Variants in DAB2IP observed in about 807,000 individuals in gnomAD.
The protein encoded by DAB2IP is DAB2 interacting protein.
In DAB2IP, 28 loss-of-function variants were observed where a neutral mutation model predicts 107.2. The ratio of observed to expected loss-of-function variants is 0.26; its 90% CI spans 0.19 to 0.36. The LOEUF (loss-of-function observed/expected upper bound fraction) is 0.36, where lower values mean the gene tolerates loss of function less well. Ranked by LOEUF, DAB2IP falls within the 10% of genes least tolerant of loss-of-function variation. DAB2IP has a pLI of 1.00. For missense variants in DAB2IP, 1,400 were observed against 1,644.7 expected (o/e 0.85, Z 2.57); for synonymous variants, 755 against 706.4 (o/e 1.07, Z -1.09).
intron 2 of DAB2IP, 149 bp downstream of exon 2, chr9:121,678,930 T>C (rs958100034): frequency 2.8e-6 from 2 of 711,820 alleles, no homozygotes; most frequent in Non-Finnish European, 4.2e-6. Flanking sequence ...ATCCGATCCC[T>C]CAGCTGCTCC....
intron 1 of DAB2IP, among the ~76,000 whole-genome samples, chr9:121,660,281 G>A (rs1299250619): frequency 6.6e-6 from 1 of 152,200 alleles, no homozygotes; most frequent in Non-Finnish European, 1.5e-5. Flanking sequence ...CCACTTTCTA[G>A]ATGAGAAAAC....
At chr9:121,626,991 C>G (rs1310864597) in intron 1 of DAB2IP, among the ~76,000 whole-genome samples, 1 of 151,952 alleles carries the variant, frequency 6.6e-6, no homozygotes, top group Non-Finnish European at 1.5e-5. Flanking sequence ...ACAGCCTCCC[C>G]CACCATCAAC....
chr9:121,682,741 A>G (rs1470867391), intron 2 of DAB2IP, among the ~76,000 whole-genome samples: 2 of 152,218 alleles, frequency 1.3e-5, no homozygotes, highest in African/African-American at 4.8e-5. Context: ...AGTAGCTAAG[A>G]GAATGGGCTC....
exon 10 of DAB2IP, chr9:121,768,628 G>C: frequency 6.2e-7 from 1 of 1,613,654 alleles, no homozygotes; most frequent in Non-Finnish European, 8.5e-7. Context: ...CAGCCAGCTG[G>C]AGCAGGTGCC....
At position 121,698,591 on chromosome 9, in the gene DAB2IP, C is replaced by T. The variant is rs923657881; in HGVS notation, c.229-734C>T. Among the ~76,000 whole-genome samples, 1 of 152,208 alleles carries T rather than the reference C, an allele frequency of 6.6e-6. No homozygotes were observed. The highest frequency in any genetic ancestry group is 2.4e-5 in the African/African-American group (1 of 41,460). On this transcript the variant is annotated intron_variant, in intron 2 of 15. Transcript: ENST00000408936. This position sits in a 1 kb window ranked among gnomAD's most constrained non-coding sequence, Gnocchi z 4.1. ...TCCCTGAGCTGAGCACTAGGGATCC[C>T]GTCCCGCAAGGTGGTTGTCCTTGCT...
At chr9:121,600,275 C>T (rs546136690) in intron 1 of DAB2IP, among the ~76,000 whole-genome samples, 24 of 152,294 alleles carry the variant, frequency 1.6e-4, no homozygotes, top group Admixed American at 5.2e-4. Flanking sequence ...TGTTTTTGTT[C>T]AATCCTGGCC....
intron 11 of DAB2IP, among the ~76,000 whole-genome samples, chr9:121,771,992 G>A (rs772372900): frequency 2.0e-5 from 3 of 152,248 alleles, no homozygotes; most frequent in Non-Finnish European, 4.4e-5. Flanking sequence ...CGTAGAATGA[G>A]GAGGAGGCCA....
intron 10 of DAB2IP, among the ~76,000 whole-genome samples, chr9:121,769,927 CTTTGT>C (rs921354331): frequency 5.9e-5 from 9 of 152,362 alleles, no homozygotes; most frequent in African/African-American, 2.2e-4. Flanking sequence ...AGTTTTCACA[CTTTGT>C]TTTCTCACAG....
intron 8 of DAB2IP, 150 bp downstream of exon 8, chr9:121,764,029 G>C: frequency 9.0e-7 from 1 of 1,114,882 alleles, no homozygotes; most frequent in South Asian, 1.6e-5. Context: ...GCTCTCAGGT[G>C]GGGCAGCGTT....
At chr9:121,659,546 A>T (rs1833110976) in intron 1 of DAB2IP, among the ~76,000 whole-genome samples, 1 of 152,090 alleles carries the variant, frequency 6.6e-6, no homozygotes, top group Admixed American at 6.5e-5. Context: ...TAGAAAGAAA[A>T]CGTTTGGGAG....
intron 1 of DAB2IP, among the ~76,000 whole-genome samples, chr9:121,594,012 C>T (rs1218537948): frequency 2.0e-5 from 3 of 152,052 alleles, no homozygotes; most frequent in African/African-American, 7.2e-5. Flanking sequence ...CCATCCTCCC[C>T]TGTAAACAAC....
At chr9:121,758,644 C>T (rs951659825) in intron 4 of DAB2IP, among the ~76,000 whole-genome samples, 10 of 152,164 alleles carry the variant, frequency 6.6e-5, no homozygotes, top group Non-Finnish European at 1.0e-4. Context: ...CACTGAGGGA[C>T]GAGTGAGGAG....
At chr9:121,742,834 C>T in intron 3 of DAB2IP, 1 of 985,484 alleles carries the variant, frequency 1.0e-6, no homozygotes, top group East Asian at 1.1e-4. Context: ...CCAGTCTTCT[C>T]ATCTGGAAGA....
chr9:121,728,182 C>T (rs1162336071), intron 3 of DAB2IP, among the ~76,000 whole-genome samples: 2 of 152,188 alleles, frequency 1.3e-5, no homozygotes, highest in African/African-American at 2.4e-5. Context: ...GTTCTCCTTT[C>T]TTCCCTTGGG....
chr9:121,770,714 G>C (rs147687395), exon 11 of DAB2IP: 5 of 1,613,994 alleles, frequency 3.1e-6, no homozygotes, highest in Middle Eastern at 1.6e-4. Flanking sequence ...GATTGAGAAC[G>C]ATCTTTCCGG....
exon 12 of DAB2IP, chr9:121,773,264 C>T (rs1015833543): frequency 9.1e-6 from 14 of 1,540,462 alleles, no homozygotes; most frequent in African/African-American, 2.7e-5. Context: ...ACAGTGCTGG[C>T]CCCCAGAGGA....
intron 1 of DAB2IP, among the ~76,000 whole-genome samples, chr9:121,629,533 C>G (rs1194804882): frequency 6.6e-6 from 1 of 152,186 alleles, no homozygotes; most frequent in African/African-American, 2.4e-5. Flanking sequence ...AGAGCCCACT[C>G]CAGTCCTCCT....
chr9:121,733,384 T>G (rs1299440938), intron 3 of DAB2IP, among the ~76,000 whole-genome samples: 1 of 152,228 alleles, frequency 6.6e-6, no homozygotes, highest in African/African-American at 2.4e-5. Context: ...TGGCCCAGAC[T>G]CTCTTGTCAT....
rs995517716 is a variant in DAB2IP, at chr9:121,736,632, G to C, written c.363-20381G>C. Among the ~76,000 whole-genome samples, 8 of 152,244 alleles carry C rather than the reference G, an allele frequency of 5.3e-5. No homozygotes were observed. Among genetic ancestry groups the C allele is most frequent in the Admixed American group, 1.3e-4 (2 of 15,288 alleles). ...GGTTTGGGGCGTGGCGCAGCCCGAC[G>C]TTAGTCCGGAATGCTCTGGGAGCAG... On this transcript the variant is annotated intron_variant, in intron 3 of 15. Transcript: ENST00000408936. The surrounding 1 kb of genome is among the most constrained non-coding windows in gnomAD (Gnocchi z 4.6).
Sources: allele counts gnomAD v4.1 joint callset (sites outside exome capture counted in the v4.1 genomes callset), GRCh38; gene constraint gnomAD v4.1.1; non-coding constraint Gnocchi (gnomAD v3.1); transcripts MANE v1.5; gene names NCBI Gene and HGNC (gene_info 2026-07-23, HGNC 2026-07-21).